Variants in NEDD4L observed in about 807,000 individuals in gnomAD.
NEDD4L encodes the protein E3 ubiquitin-protein ligase NEDD4-like.
In NEDD4L, 54 loss-of-function variants were observed where a neutral mutation model predicts 148.9. That is an observed-to-expected ratio of 0.36 (90% CI 0.29 to 0.45). The LOEUF is 0.45. NEDD4L is among the 20% of genes least tolerant of loss of function. NEDD4L has a pLI of 1.00. For synonymous variants in NEDD4L, 433 were observed against 440.7 expected (o/e 0.98, Z 0.22); for missense variants, 856 against 1,233.8 (o/e 0.69, Z 4.59).
At chr18:58,365,097 G>A (rs1283757715) in intron 20 of NEDD4L, among the ~76,000 whole-genome samples, 2 of 152,134 alleles carry the variant, frequency 1.3e-5, no homozygotes, top group Admixed American at 1.3e-4. Flanking sequence ...CCTCCCCTCA[G>A]CTGGTTCCTC....
At chr18:58,066,324 T>G (rs1453975597) in intron 1 of NEDD4L, among the ~76,000 whole-genome samples, 1 of 151,744 alleles carries the variant, frequency 6.6e-6, no homozygotes, top group Non-Finnish European at 1.5e-5. Context: ...CGTTGAATGC[T>G]GAGGCTTGTT....
intron 5 of NEDD4L, among the ~76,000 whole-genome samples, chr18:58,301,395 C>T (rs1255265982): frequency 6.6e-6 from 1 of 152,176 alleles, no homozygotes; most frequent in East Asian, 1.9e-4. Context: ...TAGTTTATAG[C>T]TGTGACTATG....
chr18:58,064,943 T>G (rs1454634609), intron 1 of NEDD4L, among the ~76,000 whole-genome samples: 1 of 152,164 alleles, frequency 6.6e-6, no homozygotes, highest in African/African-American at 2.4e-5. Flanking sequence ...TCTTAAAAAA[T>G]GGAAGTGATA....
chr18:58,393,431 T>TC (rs1347489359), intron 30 of NEDD4L, among the ~76,000 whole-genome samples: 1 of 152,170 alleles, frequency 6.6e-6, no homozygotes, highest in Non-Finnish European at 1.5e-5. Flanking sequence ...TCACAGCTCT[T>TC]CCCTAGGAAG....
intron 1 of NEDD4L, among the ~76,000 whole-genome samples, chr18:58,076,167 G>T (rs1001685): frequency 0.022 from 3,350 of 152,186 alleles, 148 homozygotes; most frequent in African/African-American, 0.078. Context: ...AGGATTTTTT[G>T]ATTAAATGAG....
intron 5 of NEDD4L, among the ~76,000 whole-genome samples, chr18:58,252,988 C>A (rs1382631428): frequency 6.6e-6 from 1 of 152,190 alleles, no homozygotes; most frequent in Non-Finnish European, 1.5e-5. Context: ...TGAACACTAT[C>A]ATGTTAAGTC....
chr18:58,383,508 T>C (rs1017700946), intron 25 of NEDD4L, among the ~76,000 whole-genome samples, 189 bp downstream of exon 25: 2 of 152,166 alleles, frequency 1.3e-5, no homozygotes, highest in African/African-American at 4.8e-5. Context: ...CTGTCTTGTA[T>C]CATGACTCCA....
Position 58,097,329 on chromosome 18 carries a change from C to T in NEDD4L, c.48+52621C>T, listed in dbSNP as rs116477975. On this transcript the variant is annotated intron_variant, in intron 1 of 30. Transcript: ENST00000400345. Reference sequence around the variant, plus strand: ...GCCCAGGCCATAGTTCGCAGTTGGCCGGCAGGCTGCAAGGGCCATTCCAAG... The same window carrying T: ...GCCCAGGCCATAGTTCGCAGTTGGCTGGCAGGCTGCAAGGGCCATTCCAAG... 4.0e-3 allele frequency among the ~76,000 whole-genome samples: 615 copies of T among 152,252 alleles called. 5 individuals carry two copies. Among genetic ancestry groups the T allele is most frequent in the African/African-American group, 0.014 (597 of 41,538 alleles).
chr18:58,217,379 G>A (rs566650747), intron 2 of NEDD4L, among the ~76,000 whole-genome samples: 2 of 152,220 alleles, frequency 1.3e-5, no homozygotes, highest in East Asian at 3.9e-4. Flanking sequence ...GAGAAACTTG[G>A]GTCTCCTCTA....
chr18:58,134,769 A>ATTTTTTTTT (rs71173032), intron 1 of NEDD4L, among the ~76,000 whole-genome samples: 2 of 131,408 alleles, frequency 1.5e-5, no homozygotes, highest in Non-Finnish European at 1.6e-5. Flanking sequence ...AGCAATTTTC[A>ATTTTTTTTT]TTTTTTTTTT....
At chr18:58,187,313 T>C (rs906673422) in intron 2 of NEDD4L, among the ~76,000 whole-genome samples, 16 of 152,172 alleles carry the variant, frequency 1.1e-4, no homozygotes, top group African/African-American at 3.6e-4. Context: ...TCTGCACTTA[T>C]TGCTCACTGA....
intron 27 of NEDD4L, 141 bp downstream of exon 27, chr18:58,387,639 AGGGCTTATTTGCCAATGT>A (rs2049216235): frequency 2.0e-6 from 2 of 1,000,326 alleles, no homozygotes; most frequent in Non-Finnish European, 2.7e-6. Context: ...TGTCTCTTAT[AGGGCTTATTTGCCAATGT>A]GGTTCTATTA....
chr18:58,103,397 C>A (rs951007849), intron 1 of NEDD4L, among the ~76,000 whole-genome samples: 6 of 151,832 alleles, frequency 4.0e-5, no homozygotes, highest in African/African-American at 1.2e-4. Flanking sequence ...CTAGTCAAAT[C>A]TCAGTTACCC....
At chr18:58,219,306 C>T (rs188395602) in intron 2 of NEDD4L, among the ~76,000 whole-genome samples, 2 of 152,192 alleles carry the variant, frequency 1.3e-5, no homozygotes, top group Non-Finnish European at 2.9e-5. Flanking sequence ...TTTTTTGAGG[C>T]ATGAGAACCT....
intron 2 of NEDD4L, among the ~76,000 whole-genome samples, chr18:58,228,501 G>A (rs561005932): frequency 1.2e-4 from 19 of 152,342 alleles, no homozygotes; most frequent in African/African-American, 4.6e-4. Context: ...ACAATAGTTC[G>A]TTGTAGGTTA....
Position 58,127,615 on chromosome 18 carries a change from G to A in NEDD4L, c.49-38173G>A, listed in dbSNP as rs183481098. On this transcript the variant is annotated intron_variant, in intron 1 of 30. Transcript: ENST00000400345. Reference sequence around the variant, plus strand: ...AGCACTTTGGGAGGCCGAGGCAGGCGGATCACGAGGTCAGGAGATTGAGAC... The same window carrying A: ...AGCACTTTGGGAGGCCGAGGCAGGCAGATCACGAGGTCAGGAGATTGAGAC... 9.9e-4 allele frequency among the ~76,000 whole-genome samples: 151 copies of A among 152,008 alleles called. No homozygotes were observed. In the East Asian group the frequency reaches 0.02, roughly 20 times the overall value.
chr18:58,072,869 C>T (rs755423468), intron 1 of NEDD4L, among the ~76,000 whole-genome samples: 12 of 101,796 alleles, frequency 1.2e-4, no homozygotes, highest in Admixed American at 6.0e-4. Flanking sequence ...CGCGCGCGCG[C>T]GCGCACACAC....
At chr18:58,204,638 A>G (rs1199207320) in intron 2 of NEDD4L, among the ~76,000 whole-genome samples, 1 of 152,180 alleles carries the variant, frequency 6.6e-6, no homozygotes, top group Non-Finnish European at 1.5e-5. Flanking sequence ...TTTCCTTCAC[A>G]TTATGTTAAC....
chr18:58,081,382 A>G (rs966202212), intron 1 of NEDD4L, among the ~76,000 whole-genome samples: 3 of 151,574 alleles, frequency 2.0e-5, no homozygotes, highest in African/African-American at 7.3e-5. Context: ...CGCCCGGCTA[A>G]TTTTTTATAT....
Sources: gnomAD v4.1 joint callset for allele counts (sites outside exome capture counted in the v4.1 genomes callset) on GRCh38, gnomAD v4.1.1 for gene constraint, MANE v1.5 for transcripts, NCBI Gene and HGNC (gene_info 2026-07-23, HGNC 2026-07-21) for gene names.